The following MEGF11 variants were observed in gnomAD, a reference collection of about 807,000 sequenced individuals.
The protein encoded by MEGF11 is multiple EGF like domains 11, also known as multiple epidermal growth factor-like domains protein 11.
In MEGF11, 126 loss-of-function variants were observed where a neutral mutation model predicts 146.6. The ratio of observed to expected loss-of-function variants is 0.86; its 90% confidence interval spans 0.74 to 1.00. MEGF11 has a LOEUF of 1.00. Among genes scored for constraint, MEGF11 ranks in the 50% least tolerant of loss-of-function variants. The probability of loss-of-function intolerance (pLI) is 0.00; values close to 1 mark genes in which losing one functional copy is unlikely to be tolerated. For missense variants in MEGF11, 1,509 were observed against 1,521.2 expected (o/e 0.99, Z 0.13); for synonymous variants, 532 against 583.4 (o/e 0.91, Z 1.27).
chr15:65,917,041 A>G, intron 16 of MEGF11, 85 bp from the exon 17 acceptor site: 1 of 1,357,638 alleles, frequency 7.4e-7, no homozygotes, highest in Non-Finnish European at 9.7e-7. Context: ...TACATGTCAG[A>G]GCCAAGATGC....
At chr15:65,914,322 A>G (rs1214754334) in intron 19 of MEGF11, among the ~76,000 whole-genome samples, 2 of 152,198 alleles carry the variant, frequency 1.3e-5, no homozygotes, top group East Asian at 3.8e-4. Context: ...CCAATTTATC[A>G]AAAGGTTAGG....
At chr15:65,980,042 A>ATG (rs149907365) in intron 7 of MEGF11, among the ~76,000 whole-genome samples, 46 of 151,996 alleles carry the variant, frequency 3.0e-4, no homozygotes, top group Non-Finnish European at 5.9e-4. Context: ...CAGAATCAGA[A>ATG]TGTGTGTGTG....
intron 5 of MEGF11, among the ~76,000 whole-genome samples, chr15:66,038,437 G>T (rs2083810827): frequency 5.3e-5 from 8 of 152,154 alleles, no homozygotes; most frequent in Admixed American, 5.2e-4. Context: ...CCCCTCAGTG[G>T]CTAAGGCTTT....
intron 1 of MEGF11, among the ~76,000 whole-genome samples, chr15:66,158,085 G>A (rs539481303): frequency 1.2e-4 from 18 of 152,288 alleles, no homozygotes; most frequent in Middle Eastern, 3.4e-3. Flanking sequence ...TGAATGACTT[G>A]CAAATGGGCT....
intron 1 of MEGF11, among the ~76,000 whole-genome samples, chr15:66,202,392 G>A (rs887408418): frequency 6.6e-6 from 1 of 152,142 alleles, no homozygotes; most frequent in African/African-American, 2.4e-5. Flanking sequence ...CGGGCATGAC[G>A]GCCCTCCATG....
chr15:65,939,759 C>T (rs929572203), intron 10 of MEGF11, among the ~76,000 whole-genome samples: 6 of 152,150 alleles, frequency 3.9e-5, no homozygotes, highest in Non-Finnish European at 5.9e-5. Flanking sequence ...TCTCAAAGTG[C>T]TGGGATTACA....
At chr15:66,088,796 TAGAGACAGAAA>T (rs1567234931) in intron 5 of MEGF11, among the ~76,000 whole-genome samples, 1 of 151,902 alleles carries the variant, frequency 6.6e-6, no homozygotes, top group Non-Finnish European at 1.5e-5. Context: ...GTCAAATTCA[TAGAGACAGAAA>T]GCAGATTGTT....
intron 5 of MEGF11, among the ~76,000 whole-genome samples, chr15:66,014,092 C>T (rs1346752504): frequency 1.3e-5 from 2 of 152,058 alleles, no homozygotes; most frequent in African/African-American, 2.4e-5. Flanking sequence ...AGAAGTTAGG[C>T]GATGGTCCAG....
chr15:65,917,915 A>C (rs530551719), intron 16 of MEGF11, 51 bp downstream of exon 16: 1 of 1,611,112 alleles, frequency 6.2e-7, no homozygotes, highest in African/African-American at 1.3e-5. Context: ...CAAAGGGAGA[A>C]TTTTTGGGCC....
chr15:66,235,120 A>G (rs374201387), intron 1 of MEGF11, among the ~76,000 whole-genome samples: 3 of 152,248 alleles, frequency 2.0e-5, no homozygotes, highest in East Asian at 3.8e-4. Flanking sequence ...CTCTGCTTAA[A>G]TCCCTTGTGT....
chr15:66,044,750 G>A (rs2084126965), intron 5 of MEGF11, among the ~76,000 whole-genome samples: 1 of 151,088 alleles, frequency 6.6e-6, no homozygotes, highest in Non-Finnish European at 1.5e-5. Context: ...TTACCTGAGA[G>A]GCTGAGGCGG....
At chr15:66,200,701 T>C (rs1352181202) in intron 1 of MEGF11, among the ~76,000 whole-genome samples, 2 of 152,192 alleles carry the variant, frequency 1.3e-5, no homozygotes, top group Non-Finnish European at 2.9e-5. Flanking sequence ...GAAGTTAAAC[T>C]TAAGGCAGAA....
intron 5 of MEGF11, among the ~76,000 whole-genome samples, chr15:66,065,938 C>T (rs901103618): frequency 3.3e-5 from 5 of 152,136 alleles, no homozygotes; most frequent in Admixed American, 6.6e-5. Context: ...AGGGCTGTGC[C>T]TTGGTGGTGG....
At chr15:66,187,040 A>G (rs567328387) in intron 1 of MEGF11, among the ~76,000 whole-genome samples, 1 of 152,364 alleles carries the variant, frequency 6.6e-6, no homozygotes, top group African/African-American at 2.4e-5. Context: ...TGTGTTAATT[A>G]TGATCTATCT....
chr15:66,098,625 C>T (rs1447671615), intron 4 of MEGF11, among the ~76,000 whole-genome samples: 1 of 152,182 alleles, frequency 6.6e-6, no homozygotes, highest in Non-Finnish European at 1.5e-5. Context: ...CACCCCCGAA[C>T]CCAGTCTCCC....
chr15:65,995,194 G>A (rs75746958), intron 5 of MEGF11, among the ~76,000 whole-genome samples: 14,025 of 152,298 alleles, frequency 0.092, 1,304 homozygotes, highest in East Asian at 0.55. Flanking sequence ...GGGCTGGCAG[G>A]GCAGCCTGGA....
intron 5 of MEGF11, among the ~76,000 whole-genome samples, chr15:66,002,076 G>A (rs1295743378): frequency 2.0e-5 from 3 of 152,092 alleles, no homozygotes; most frequent in Non-Finnish European, 1.5e-5. Flanking sequence ...GTTGGGGATT[G>A]GGTGAGCACA....
At chr15:66,133,546 G>A (rs1298483797) in intron 1 of MEGF11, among the ~76,000 whole-genome samples, 2 of 152,096 alleles carry the variant, frequency 1.3e-5, no homozygotes, top group African/African-American at 2.4e-5. Context: ...CAAGGTTATC[G>A]CCCCGTCTAG....
At chr15:66,077,035 G>A (rs180927618) in intron 5 of MEGF11, among the ~76,000 whole-genome samples, 10 of 152,324 alleles carry the variant, frequency 6.6e-5, no homozygotes, top group Non-Finnish European at 1.3e-4. Flanking sequence ...ACCAGGAAAC[G>A]CTGCAGAGTG....
Sources: allele counts gnomAD v4.1 joint callset (sites outside exome capture counted in the v4.1 genomes callset), GRCh38; gene constraint gnomAD v4.1.1; transcripts MANE v1.5; gene names NCBI Gene and HGNC (gene_info 2026-07-23, HGNC 2026-07-21).